The following SLC16A10 variants were observed in gnomAD, a reference collection of about 807,000 sequenced individuals.
SLC16A10 encodes the protein monocarboxylate transporter 10.
SLC16A10 carries 27 observed loss-of-function variants against 40.0 expected under a neutral mutation model. The observed-to-expected ratio is 0.67, with a 90% CI of 0.50 to 0.93. The LOEUF (loss-of-function observed/expected upper bound fraction) is 0.93, where lower values mean the gene tolerates loss of function less well. Among genes scored for constraint, SLC16A10 ranks in the 40% least tolerant of loss-of-function variants. SLC16A10 has a pLI of 0.00. For missense variants in SLC16A10, 529 were observed against 658.2 expected (o/e 0.80, Z 2.15); for synonymous variants, 213 against 249.8 (o/e 0.85, Z 1.39).
intron 1 of SLC16A10, among the ~76,000 whole-genome samples, chr6:111,108,088 T>C (rs1771316867): frequency 6.6e-6 from 1 of 151,978 alleles, no homozygotes; most frequent in Non-Finnish European, 1.5e-5. Flanking sequence ...GGTGCAATCT[T>C]GGCTCACTGC....
At chr6:111,091,963 G>A (rs1258743839) in intron 1 of SLC16A10, among the ~76,000 whole-genome samples, 1 of 152,104 alleles carries the variant, frequency 6.6e-6, no homozygotes, top group East Asian at 1.9e-4. Context: ...ATTAATAACA[G>A]ACCAGAAGTA....
intron 1 of SLC16A10, among the ~76,000 whole-genome samples, chr6:111,137,458 C>G (rs1177799109): frequency 6.6e-6 from 1 of 152,208 alleles, no homozygotes; most frequent in Non-Finnish European, 1.5e-5. Context: ...ATTTCAATCC[C>G]TGAATCTTTA....
intron 1 of SLC16A10, among the ~76,000 whole-genome samples, chr6:111,146,620 C>A (rs1018333999): frequency 6.6e-6 from 1 of 152,002 alleles, no homozygotes; most frequent in Non-Finnish European, 1.5e-5. Context: ...GCCTGTAGTC[C>A]CAGCTACTCG....
rs1449280107 is a variant in SLC16A10, at chr6:111,206,586, C to T, written c.943-6C>T. 3.7e-6 allele frequency: 6 copies of T among 1,613,542 alleles called. No homozygotes were observed. The highest frequency in any genetic ancestry group is 3.4e-6 in the Non-Finnish European group (4 of 1,179,894). Reference sequence around the variant, plus strand: ...TCAGTGTGGTTTCTTTCTCTTTGGCCTATAGATGAAACATGTAAATGAAAG... The same window carrying T: ...TCAGTGTGGTTTCTTTCTCTTTGGCTTATAGATGAAACATGTAAATGAAAG... On this transcript the variant is annotated splice_polypyrimidine_tract_variant and splice_region_variant and intron_variant, in intron 3 of 5. Transcript: ENST00000368851.
chr6:111,091,649 A>T (rs1770977373), intron 1 of SLC16A10, among the ~76,000 whole-genome samples: 1 of 151,780 alleles, frequency 6.6e-6, no homozygotes, highest in Non-Finnish European at 1.5e-5. Context: ...CCACAGCAGG[A>T]CAATGTTTCT....
chr6:111,125,414 G>A (rs540952669), intron 1 of SLC16A10, among the ~76,000 whole-genome samples: 9 of 152,156 alleles, frequency 5.9e-5, no homozygotes, highest in Admixed American at 3.9e-4. Flanking sequence ...AAGGTGATCC[G>A]GAAAACCAGG....
At chr6:111,162,998 C>T (rs1224695992) in intron 1 of SLC16A10, among the ~76,000 whole-genome samples, 5 of 151,916 alleles carry the variant, frequency 3.3e-5, no homozygotes, top group Admixed American at 2.6e-4. Flanking sequence ...CTGTCAAAGT[C>T]CCATAGCTGA....
At chr6:111,212,839 C>T (rs1370368944) in intron 4 of SLC16A10, among the ~76,000 whole-genome samples, 1 of 151,770 alleles carries the variant, frequency 6.6e-6, no homozygotes, top group African/African-American at 2.4e-5. Flanking sequence ...GTCTACTGCT[C>T]CTGCCAGAAG....
chr6:111,112,332 G>T (rs1462531376), intron 1 of SLC16A10, among the ~76,000 whole-genome samples: 1 of 152,146 alleles, frequency 6.6e-6, no homozygotes, highest in Non-Finnish European at 1.5e-5. Context: ...ACCGTGCCTG[G>T]CCAGTATTTG....
At chr6:111,119,782 C>G (rs1771551561) in intron 1 of SLC16A10, among the ~76,000 whole-genome samples, 1 of 152,188 alleles carries the variant, frequency 6.6e-6, no homozygotes, top group Non-Finnish European at 1.5e-5. Context: ...AGAAGAAACA[C>G]CAGATACACT....
chr6:111,206,994 A>G (rs975770954), intron 4 of SLC16A10, among the ~76,000 whole-genome samples: 2 of 152,080 alleles, frequency 1.3e-5, no homozygotes, highest in Non-Finnish European at 2.9e-5. Flanking sequence ...ACACCAGGCT[A>G]ATTTTTGTAT....
intron 1 of SLC16A10, among the ~76,000 whole-genome samples, chr6:111,120,643 A>G (rs574086579): frequency 2.4e-4 from 37 of 152,336 alleles, no homozygotes; most frequent in Admixed American, 9.8e-4. Flanking sequence ...GTGCCTGTCC[A>G]TGAACCACTT....
chr6:111,091,021 C>T (rs1770965399), intron 1 of SLC16A10, among the ~76,000 whole-genome samples: 1 of 152,118 alleles, frequency 6.6e-6, no homozygotes, highest in Non-Finnish European at 1.5e-5. Context: ...GAGTACTTTC[C>T]TGTGGCTAAG....
intron 1 of SLC16A10, among the ~76,000 whole-genome samples, chr6:111,150,973 G>T (rs1772163142): frequency 6.6e-6 from 1 of 152,090 alleles, no homozygotes; most frequent in South Asian, 2.1e-4. Flanking sequence ...CAAATGTGAG[G>T]TATGCTCTCA....
chr6:111,109,310 A>G (rs1426375483), intron 1 of SLC16A10, among the ~76,000 whole-genome samples: 2 of 152,170 alleles, frequency 1.3e-5, no homozygotes, highest in African/African-American at 4.8e-5. Flanking sequence ...AAAATTTTAT[A>G]TGAATGGAAT....
intron 3 of SLC16A10, among the ~76,000 whole-genome samples, chr6:111,204,587 A>G (rs1192934746): frequency 1.3e-5 from 2 of 152,216 alleles, no homozygotes; most frequent in Non-Finnish European, 2.9e-5. Context: ...GGATAAGAAC[A>G]TGTTGGCATG....
At chr6:111,192,198 T>C (rs1159945483) in intron 3 of SLC16A10, among the ~76,000 whole-genome samples, 2 of 152,170 alleles carry the variant, frequency 1.3e-5, no homozygotes, top group Admixed American at 1.3e-4. Flanking sequence ...CTGCTTCCTC[T>C]TGAACACTTT....
intron 1 of SLC16A10, among the ~76,000 whole-genome samples, chr6:111,141,597 GGTT>G (rs773830993): frequency 6.6e-6 from 1 of 151,466 alleles, no homozygotes; most frequent in Non-Finnish European, 1.5e-5. Context: ...GGGAGGCAGA[GGTT>G]GTGATGAGCC....
intron 3 of SLC16A10, among the ~76,000 whole-genome samples, chr6:111,178,868 A>G (rs1254889780): frequency 1.3e-5 from 2 of 152,198 alleles, no homozygotes; most frequent in African/African-American, 4.8e-5. Flanking sequence ...TACTATTAGG[A>G]AAGTATAGCC....
Sources: allele counts gnomAD v4.1 joint callset (sites outside exome capture counted in the v4.1 genomes callset), GRCh38; gene constraint gnomAD v4.1.1; transcripts MANE v1.5; gene names NCBI Gene and HGNC (gene_info 2026-07-23, HGNC 2026-07-21).